CLIP4: variants seen among roughly 807,000 people sequenced by gnomAD.
CLIP4 encodes CAP-Gly domain containing linker protein family member 4, also known as CAP-Gly domain-containing linker protein 4.
CLIP4 carries 47 observed loss-of-function variants against 73.1 expected under a neutral mutation model. The observed-to-expected ratio is 0.64, with a 90% CI of 0.51 to 0.82. The LOEUF is 0.82. Ranked by LOEUF, CLIP4 falls within the 40% of genes least tolerant of loss-of-function variation. The probability of loss-of-function intolerance (pLI) is 0.00; values close to 1 mark genes in which losing one functional copy is unlikely to be tolerated. For missense variants in CLIP4, 874 were observed against 852.9 expected, an observed-to-expected ratio of 1.02 and a Z score of -0.31; for synonymous variants, 306 against 295.4, an observed-to-expected ratio of 1.04 and a Z score of -0.37.
intron 11 of CLIP4, 90 bp downstream of exon 11, chr2:29,157,437 G>A (rs1189595342): frequency 2.5e-6 from 4 of 1,603,198 alleles, no homozygotes; most frequent in Non-Finnish European, 2.6e-6. Flanking sequence ...TGTGTAGAAG[G>A]AACCCTTTAC....
rs534337345 is a variant in CLIP4 at position 29,098,576 on chromosome 2, G to A, written c.-16+629G>A. ...TTGTATCACTGAATAATATTCCCTT[G>A]TATAGAGGTACTACGGTTTGTTTAT... is the stretch of plus-strand genomic sequence containing the variant. On this transcript the variant is annotated intron_variant, in intron 1 of 14. Coordinates refer to the CLIP4 transcript ENST00000401605. Among the ~76,000 whole-genome samples, 10 of 152,252 alleles carry A rather than the reference G, an allele frequency of 6.6e-5. No individual in the cohort carries two copies. The South Asian group carries it at 2.1e-3, about 32-fold the overall frequency.
chr2:29,107,301 T>C (rs972833632), intron 1 of CLIP4, among the ~76,000 whole-genome samples: 1 of 151,218 alleles, frequency 6.6e-6, no homozygotes, highest in African/African-American at 2.4e-5. Context: ...CCTGTGTGTG[T>C]GTGTGCATGT....
At chr2:29,160,958 C>T (rs1027375614) in intron 12 of CLIP4, among the ~76,000 whole-genome samples, 7 of 152,030 alleles carry the variant, frequency 4.6e-5, no homozygotes, top group Non-Finnish European at 1.0e-4. Context: ...AACATTGTTT[C>T]CAAAAGTAAA....
chr2:29,174,124 C>A (rs13414239), intron 14 of CLIP4, among the ~76,000 whole-genome samples: 1 of 150,328 alleles, frequency 6.7e-6, no homozygotes, highest in Admixed American at 6.6e-5. Flanking sequence ...GCTTTCTTTT[C>A]TTTTTTTTTA....
chr2:29,153,464 A>G (rs1666715841), intron 9 of CLIP4, among the ~76,000 whole-genome samples: 1 of 151,534 alleles, frequency 6.6e-6, no homozygotes, highest in African/African-American at 2.4e-5. Flanking sequence ...TCTCTAGTTC[A>G]CTTTAATCTC....
chr2:29,165,597 CT>C (rs770825580), intron 13 of CLIP4, among the ~76,000 whole-genome samples: 3 of 152,202 alleles, frequency 2.0e-5, no homozygotes, highest in African/African-American at 7.2e-5. Flanking sequence ...AAAATGCATG[CT>C]GAGTCACCAG....
At position 29,168,512 on chromosome 2, in the gene CLIP4, C is replaced by CTTT. The variant is rs35201336; in HGVS notation, c.1723+999_1723+1001dup. 2.4e-4 allele frequency among the ~76,000 whole-genome samples: 16 copies of CTTT among 66,776 alleles called. 1 individual carries two copies. The highest frequency in any genetic ancestry group is 1.3e-3 in the East Asian group (4 of 2,976). The allele number at this position is 66,776 out of a possible 152,430, so 43.8% of individuals were successfully genotyped here. On this transcript the variant is annotated intron_variant, in intron 14 of 15. Coordinates refer to ENST00000320081, the MANE Select transcript of CLIP4 (RefSeq NM_024692.6). ...ATAGCAAAACAGGTTATGGTTTGCC[C>CTTT]TTTTTTTTTTTTTTTTTTTTTTTTT...
At chr2:29,136,572 T>C (rs985984910) in intron 6 of CLIP4, among the ~76,000 whole-genome samples, 1 of 152,018 alleles carries the variant, frequency 6.6e-6, no homozygotes, top group Non-Finnish European at 1.5e-5. Flanking sequence ...TCAGTTTTAC[T>C]GTAGTGTGCT....
At chr2:29,117,777 A>C (rs1035490258) in intron 1 of CLIP4, among the ~76,000 whole-genome samples, 1 of 152,216 alleles carries the variant, frequency 6.6e-6, no homozygotes. Flanking sequence ...TGGTCATAGC[A>C]CTTACTACTT....
Position 29,168,257 on chromosome 2 carries a change from A to G in CLIP4, c.1723+717A>G, listed in dbSNP as rs919356342. ...ACCTGTTTTCATGCTTATGGGCCAT[A>G]TGCATTTCCTCTATTATGAAGTACC... On this transcript the variant is annotated intron_variant, in intron 14 of 15. Transcript: ENST00000320081. 7.9e-5 allele frequency among the ~76,000 whole-genome samples: 12 copies of G among 152,302 alleles called. No homozygotes were observed. In the South Asian group the frequency reaches 2.1e-3, roughly 26 times the overall value.
intron 7 of CLIP4, among the ~76,000 whole-genome samples, chr2:29,144,246 T>C (rs922636323): frequency 2.6e-5 from 4 of 152,150 alleles, no homozygotes; most frequent in Admixed American, 6.5e-5. Context: ...GAGGATTATC[T>C]TTGCAGTCCC....
chr2:29,119,625 G>C (rs1159280401), intron 1 of CLIP4, among the ~76,000 whole-genome samples: 1 of 152,146 alleles, frequency 6.6e-6, no homozygotes, highest in Non-Finnish European at 1.5e-5. Context: ...GAAAGTAAGT[G>C]GTTTGGTCTT....
intron 6 of CLIP4, among the ~76,000 whole-genome samples, chr2:29,142,308 GT>G (rs559671885): frequency 0.056 from 8,186 of 145,318 alleles, 236 homozygotes; most frequent in Middle Eastern, 0.087. Flanking sequence ...TATTATTTAG[GT>G]TTTTTTTTTT....
upstream of CLIP4, among the ~76,000 whole-genome samples, chr2:29,111,720 C>A (rs535861952): frequency 6.6e-6 from 1 of 152,282 alleles, no homozygotes; most frequent in South Asian, 2.1e-4. Context: ...TGTTTTCTTC[C>A]AATTTGTCAG....
intron 14 of CLIP4, among the ~76,000 whole-genome samples, chr2:29,168,667 C>T (rs1372680709): frequency 1.3e-5 from 2 of 151,606 alleles, no homozygotes; most frequent in Admixed American, 6.6e-5. Flanking sequence ...GCACTACAAG[C>T]ACCTGCCACC....
At chr2:29,178,012 T>C (rs1277808622) in intron 15 of CLIP4, among the ~76,000 whole-genome samples, 1 of 152,198 alleles carries the variant, frequency 6.6e-6, no homozygotes, top group Non-Finnish European at 1.5e-5. Context: ...AATCCATTAT[T>C]TACTTGTTTC....
chr2:29,107,196 A>G (rs910848306), intron 1 of CLIP4, among the ~76,000 whole-genome samples: 1 of 152,022 alleles, frequency 6.6e-6, no homozygotes, highest in African/African-American at 2.4e-5. Context: ...CTGATGGTTT[A>G]CAGCCAACTG....
At chr2:29,116,529 T>A (rs970262312) in intron 1 of CLIP4, among the ~76,000 whole-genome samples, 2 of 152,228 alleles carry the variant, frequency 1.3e-5, no homozygotes, top group Admixed American at 6.5e-5. Context: ...CGTTTGTTGT[T>A]TGTGAATCTT....
At chr2:29,121,282 C>T (rs1245842609) in intron 1 of CLIP4, 92 bp from the exon 2 acceptor site, 54 of 1,215,262 alleles carry the variant, frequency 4.4e-5, no homozygotes, top group East Asian at 1.9e-4. Context: ...GCAGATTTGA[C>T]GTCAAATAAC....
Sources: gnomAD v4.1 joint callset for allele counts (sites outside exome capture counted in the v4.1 genomes callset) on GRCh38, gnomAD v4.1.1 for gene constraint, MANE v1.5 for transcripts, NCBI Gene and HGNC (gene_info 2026-07-23, HGNC 2026-07-21) for gene names.